Variants in FGF14 observed in about 807,000 individuals in gnomAD.
FGF14 encodes fibroblast growth factor 14.
A neutral mutation model predicts 25.5 loss-of-function variants in FGF14; 5 were observed. The ratio of observed to expected loss-of-function variants is 0.20; its 90% CI spans 0.10 to 0.41. FGF14 has a LOEUF of 0.41. FGF14 is among the 10% of genes least tolerant of loss of function. The pLI is 1.00. For synonymous variants in FGF14, 138 were observed against 118.3 expected, an observed-to-expected ratio of 1.17 and a Z score of -1.08; for missense variants, 222 against 320.1, an observed-to-expected ratio of 0.69 and a Z score of 2.34.
At chr13:102,172,155 G>A (rs1320969964) in intron 1 of FGF14, among the ~76,000 whole-genome samples, 1 of 151,800 alleles carries the variant, frequency 6.6e-6, no homozygotes, top group African/African-American at 2.4e-5. Flanking sequence ...ACTTAAACCT[G>A]TATGTTTCTA....
chr13:101,860,061 G>A (rs997754005), intron 3 of FGF14, among the ~76,000 whole-genome samples: 3 of 151,986 alleles, frequency 2.0e-5, no homozygotes, highest in Admixed American at 2.0e-4. Context: ...AACTCAGCAG[G>A]CGCCTGCCAG....
chr13:102,220,415 T>G (rs2050558179), intron 1 of FGF14, among the ~76,000 whole-genome samples: 1 of 152,214 alleles, frequency 6.6e-6, no homozygotes, highest in African/African-American at 2.4e-5. Context: ...ATCCAAAATG[T>G]GTATTTTATG....
intron 1 of FGF14, among the ~76,000 whole-genome samples, chr13:101,905,247 G>A (rs750355655): frequency 1.2e-4 from 18 of 152,220 alleles, no homozygotes; most frequent in East Asian, 1.9e-4. Context: ...AAAGACACAC[G>A]CACATGTATG....
intron 1 of FGF14, among the ~76,000 whole-genome samples, chr13:102,127,804 G>A (rs2046010653): frequency 6.6e-6 from 1 of 152,216 alleles, no homozygotes; most frequent in South Asian, 2.1e-4. Flanking sequence ...TGTTCACAAT[G>A]AGATTGTTAG....
At chr13:101,729,317 A>G (rs1364733739) in intron 3 of FGF14, among the ~76,000 whole-genome samples, 3 of 152,172 alleles carry the variant, frequency 2.0e-5, no homozygotes, top group Admixed American at 6.5e-5. Context: ...CTTTTTGAGA[A>G]CTTAATCTGT....
intron 1 of FGF14, among the ~76,000 whole-genome samples, chr13:102,359,281 G>A (rs538111432): frequency 3.9e-4 from 59 of 152,218 alleles, no homozygotes; most frequent in Admixed American, 3.5e-3. Flanking sequence ...ATTTACCTAC[G>A]CAATAAAGCT....
At chr13:102,040,208 T>C (rs529247180) in intron 1 of FGF14, among the ~76,000 whole-genome samples, 61 of 152,298 alleles carry the variant, frequency 4.0e-4, no homozygotes, top group African/African-American at 1.4e-3. Context: ...CCCTAGTGGG[T>C]TGTTTCCTTT....
Position 101,726,823 on chromosome 13 carries a change from A to G in FGF14, c.409-13T>C. The G allele has an allele frequency of 6.3e-7, 1 of 1,586,920 alleles. No homozygotes were observed. Among genetic ancestry groups the G allele is most frequent in the Non-Finnish European group, 8.6e-7 (1 of 1,162,918 alleles). The stretch of plus-strand genomic sequence containing the variant: ...GGGTAAAAAGTTCCTGTGGAGAGAA[A>G]ATGAAACAAAAGTTAGAGGAAGGAA... On this transcript the variant is annotated splice_polypyrimidine_tract_variant and intron_variant, in intron 3 of 4. Coordinates refer to ENST00000376143, the MANE Select transcript of FGF14 (RefSeq NM_004115.4).
At chr13:102,058,682 T>G (rs2042544827) in intron 1 of FGF14, among the ~76,000 whole-genome samples, 1 of 152,178 alleles carries the variant, frequency 6.6e-6, no homozygotes, top group Non-Finnish European at 1.5e-5. Context: ...AATAAGATAA[T>G]GCAATACCTA....
chr13:102,042,384 A>T (rs1016781944), intron 1 of FGF14, among the ~76,000 whole-genome samples: 10 of 152,206 alleles, frequency 6.6e-5, no homozygotes, highest in Non-Finnish European at 1.3e-4. Context: ...CAGTGAATTG[A>T]GAAGGTCGTA....
chr13:102,393,296 T>C (rs1185684619), intron 1 of FGF14, among the ~76,000 whole-genome samples: 1 of 152,228 alleles, frequency 6.6e-6, no homozygotes, highest in Admixed American at 6.5e-5. Flanking sequence ...GAACTCTTCT[T>C]CACCCCTGTA....
intron 1 of FGF14, among the ~76,000 whole-genome samples, chr13:102,358,835 A>G (rs556060867): frequency 9.2e-5 from 14 of 152,342 alleles, no homozygotes; most frequent in African/African-American, 2.4e-4. Context: ...TCAGATTCAG[A>G]TAAGATTTAT....
Position 102,330,766 on chromosome 13 carries a change from T to C in FGF14, c.208+70705A>G, listed in dbSNP as rs143826072. On this transcript the variant is annotated intron_variant, in intron 1 of 4. Coordinates refer to the FGF14 transcript ENST00000376131. The stretch of plus-strand genomic sequence containing the variant: ...ACTCCCTCCTCCCTTCATGGCCTCA[T>C]TGTCCTCTAAAGCTTCCGTTACCAT... 1.8e-3 allele frequency among the ~76,000 whole-genome samples: 275 copies of C among 152,280 alleles called. 5 individuals are homozygous for C. The East Asian group carries it at 0.037, about 20-fold the overall frequency.
intron 2 of FGF14, among the ~76,000 whole-genome samples, chr13:101,871,808 A>G (rs992364722): frequency 8.5e-5 from 13 of 152,084 alleles, no homozygotes; most frequent in Non-Finnish European, 1.8e-4. Flanking sequence ...CCTTTTGTGA[A>G]AGATCTTTCC....
intron 3 of FGF14, among the ~76,000 whole-genome samples, chr13:101,765,474 A>G (rs1398054186): frequency 6.6e-6 from 1 of 152,140 alleles, no homozygotes; most frequent in African/African-American, 2.4e-5. Flanking sequence ...GTCTCTCACA[A>G]ATTGTGCTAG....
At chr13:102,148,215 G>GA (rs34933122) in intron 1 of FGF14, among the ~76,000 whole-genome samples, 2 of 151,718 alleles carry the variant, frequency 1.3e-5, no homozygotes, top group African/African-American at 2.4e-5. Flanking sequence ...AACTTGGGGG[G>GA]AAAAAAAGTC....
At chr13:102,285,437 C>CTA (rs2141235213) in intron 1 of FGF14, among the ~76,000 whole-genome samples, 1 of 152,250 alleles carries the variant, frequency 6.6e-6, no homozygotes, top group South Asian at 2.1e-4. Context: ...GGGGTAAATG[C>CTA]TAGTTAAGAC....
intron 1 of FGF14, among the ~76,000 whole-genome samples, chr13:102,224,308 A>G (rs2050740651): frequency 6.6e-6 from 1 of 152,130 alleles, no homozygotes; most frequent in Non-Finnish European, 1.5e-5. Flanking sequence ...AGGAATTTTT[A>G]GTGTAAAAAT....
At chr13:102,126,808 T>C (rs1402346739) in intron 1 of FGF14, among the ~76,000 whole-genome samples, 1 of 152,190 alleles carries the variant, frequency 6.6e-6, no homozygotes, top group Non-Finnish European at 1.5e-5. Context: ...TTACCATCAT[T>C]AGCCACATTC....
Sources: gnomAD v4.1 joint callset for allele counts (sites outside exome capture counted in the v4.1 genomes callset) on GRCh38, gnomAD v4.1.1 for gene constraint, MANE v1.5 for transcripts, NCBI Gene and HGNC (gene_info 2026-07-23, HGNC 2026-07-21) for gene names.